The following TTN variants were observed in gnomAD, a reference collection of about 807,000 sequenced individuals.
The protein encoded by TTN is titin.
Under a neutral mutation model 3,223.0 loss-of-function variants are expected in TTN, and 1,525 were observed. The observed-to-expected ratio is 0.47, with a 90% CI of 0.45 to 0.49. The LOEUF (loss-of-function observed/expected upper bound fraction) is 0.49, where lower values mean the gene tolerates loss of function less well. Ranked by LOEUF, TTN falls within the 20% of genes least tolerant of loss-of-function variation. The pLI, the probability that TTN is intolerant of heterozygous loss-of-function variation, is 0.00. For synonymous variants in TTN, 14,094 were observed against 15,161.0 expected (o/e 0.93, Z 5.17); for missense variants, 40,786 against 43,424.0 (o/e 0.94, Z 5.40).
chr2:178,674,218 A>G (rs1307216697), intron 151 of TTN, 96 bp downstream of exon 151: 10 of 744,964 alleles, frequency 1.3e-5, no homozygotes, highest in African/African-American at 3.6e-5. Flanking sequence ...TGGATACGAT[A>G]TAAGAAAAGC....
intron 134 of TTN, 150 bp downstream of exon 134, chr2:178,683,061 G>T: frequency 1.1e-6 from 1 of 922,806 alleles, no homozygotes. Flanking sequence ...AGGTATCATA[G>T]AGTATATTTA....
rs377585081 is a variant in TTN, at chr2:178,782,166, G to C, written c.3380+46C>G. On this transcript the variant is annotated intron_variant, in intron 20 of 362. Transcript: ENST00000589042. ...AAATTCTACTCTAGGCTTCATGCAC[G>C]TATTATACAAGTCACAGAGAACTCT... 8.1e-6 allele frequency: 13 copies of C among 1,605,278 alleles called. No homozygotes were observed. In the African/African-American group the frequency reaches 1.7e-4, roughly 21 times the overall value.
intron 47 of TTN, chr2:178,748,802 T>C: frequency 1.2e-6 from 2 of 1,611,910 alleles, no homozygotes; most frequent in Non-Finnish European, 1.7e-6. Flanking sequence ...GGAAAGCAGC[T>C]TTAAATTTAT....
chr2:178,561,328 T>C lies in TTN; in HGVS notation c.84804A>G (p.Ser28268=). Residue 28268 remains serine, a synonymous_variant, in exon 326 of 363, where the codon TCA becomes TCG. Coordinates refer to ENST00000589042, the MANE Select transcript of TTN (RefSeq NM_001267550.2). The part of the protein sequence containing the change: ...QPEVTNITRK[S]VSLKWSKPHY... ...GTGGTTTAGACCATTTAAGTGACAC[T>C]GATTTTCTTGTGATATTTGTGACTT... is the stretch of plus-strand genomic sequence containing the variant. 1 of 1,613,858 alleles carries C rather than the reference T, an allele frequency of 6.2e-7. No homozygotes were observed. The highest frequency in any genetic ancestry group is 8.5e-7 in the Non-Finnish European group (1 of 1,179,810).
intron 30 of TTN, 37 bp downstream of exon 30, chr2:178,774,170 A>T (rs1477720000): frequency 1.2e-6 from 2 of 1,614,152 alleles, no homozygotes; most frequent in African/African-American, 2.7e-5. Context: ...AACCATAATG[A>T]TGCTCACTGC....
rs1279428764 is a variant in TTN at position 178,607,666 on chromosome 2, C to T, written c.53022G>A (p.Leu17674=). Reference sequence around the variant, plus strand: ...GTATTCCACCCTTGACAGAAACATCCAGTTCCACAGCTGGAGGCTCTGTTG... The same window carrying T: ...GTATTCCACCCTTGACAGAAACATCTAGTTCCACAGCTGGAGGCTCTGTTG... ...AEPQEPPAVE[L]DVSVKGGIQI... The change falls in exon 277 of 363, where the codon CTG becomes CTA. Residue 17674 remains leucine (L), a synonymous_variant. Coordinates refer to ENST00000589042, the MANE Select transcript of TTN (RefSeq NM_001267550.2). 6.2e-7 allele frequency: 1 copy of T among 1,612,940 alleles called. No individual in the cohort carries two copies. The highest frequency in any genetic ancestry group is 1.7e-5 in the Admixed American group (1 of 59,974).
intron 218 of TTN, 148 bp from the exon 219 acceptor site, chr2:178,642,465 A>G (rs1211421012): frequency 6.0e-6 from 4 of 668,638 alleles, no homozygotes; most frequent in African/African-American, 3.7e-5. Context: ...TTAAGTTTAA[A>G]TGATACATTT....
chr2:178,679,549 T>G (rs778998466), intron 141 of TTN, 50 bp downstream of exon 141: 1 of 1,591,914 alleles, frequency 6.3e-7, no homozygotes, highest in South Asian at 1.2e-5. Flanking sequence ...AGTTAACTAT[T>G]TCTAGGCAGA....
chr2:178,637,251 A>C, intron 224 of TTN, 118 bp downstream of exon 224: 1 of 478,658 alleles, frequency 2.1e-6, no homozygotes, highest in South Asian at 3.4e-5. Context: ...GTTTTAGTAG[A>C]ATCAATTAGA....
At chr2:178,726,319 C>A in intron 69 of TTN, 1 of 291,580 alleles carries the variant, frequency 3.4e-6, no homozygotes, top group Non-Finnish European at 6.3e-6. Flanking sequence ...TCTTAGGCTA[C>A]AAAGATTGAT....
rs1365402838 is a variant in TTN, at chr2:178,536,108, C to T, written c.100639G>A (p.Glu33547Lys). 8 of 1,613,006 alleles carry T rather than the reference C, an allele frequency of 5.0e-6. No homozygotes were observed. The highest frequency in any genetic ancestry group is 6.8e-6 in the Non-Finnish European group (8 of 1,179,212). ...IADGLKYRIQEFKGGYHQLII... is the reference protein window; with the variant it reads ...IADGLKYRIQKFKGGYHQLII... ...AGCTGGTGGTAGCCACCCTTAAATT[C>T]TTGAATCCTATATTTTAATCCATCT... The change falls in exon 357 of 363, where the codon GAA (glutamate) becomes AAA (lysine). Residue 33547 changes from glutamate (E) to lysine (K), a missense_variant. Transcript: ENST00000589042.
chr2:178,727,180 T>G lies in TTN; in HGVS notation c.20185A>C (p.Asn6729His), dbSNP rs794729619. The change falls in exon 69 of 363, where the codon AAT (asparagine) becomes CAT (histidine). Residue 6729 changes from asparagine to histidine, a missense_variant. Asn to His is a moderately conservative substitution (Grantham distance 68, BLOSUM62 1). Coordinates refer to ENST00000589042, the MANE Select transcript of TTN (RefSeq NM_001267550.2). ...IDSVAVIQMN[N>H]LSTEDSGDFI... is the part of the protein sequence containing the mutation. ...TCTCCACTGTCCTCAGTACTGAGAT[T>G]GTTCATCTGTATGACGGCCACTGAG... The G allele has an allele frequency of 1.2e-6, 2 of 1,613,154 alleles. No homozygotes were observed. The highest frequency in any genetic ancestry group is 1.7e-6 in the Non-Finnish European group (2 of 1,179,438).
chr2:178,781,801 T>C (rs1424027299), intron 20 of TTN, among the ~76,000 whole-genome samples: 1 of 152,166 alleles, frequency 6.6e-6, no homozygotes, highest in Non-Finnish European at 1.5e-5. Context: ...CATAGATTTT[T>C]GTGCATAACT....
chr2:178,632,811 G>A lies in TTN; in HGVS notation c.43214-19C>T, dbSNP rs888686166. 6.2e-7 allele frequency: 1 copy of A among 1,612,774 alleles called. No individual in the cohort carries two copies. Among genetic ancestry groups the A allele is most frequent in the Non-Finnish European group, 8.5e-7 (1 of 1,179,402 alleles). On this transcript the variant is annotated intron_variant, in intron 234 of 362. Coordinates refer to ENST00000589042, the MANE Select transcript of TTN (RefSeq NM_001267550.2). ...GGCAATTCTGAAAGAAGTGGACAGTGGATGAAGTCAGAATACGTTTCCATT... is the reference window on the plus strand; with the variant it reads ...GGCAATTCTGAAAGAAGTGGACAGTAGATGAAGTCAGAATACGTTTCCATT...
In TTN at chr2:178,636,669, C is replaced by T. The variant is rs759166253; in HGVS notation, c.41058G>A (p.Val13686=). The T allele has an allele frequency of 6.2e-7, 1 of 1,613,344 alleles. No individual in the cohort carries two copies. Among genetic ancestry groups the T allele is most frequent in the Admixed American group, 1.7e-5 (1 of 59,980 alleles). ...YQLKAVPLKF[V]KEIKDIILTE... ...TCAAGATGATGTCTTTGATTTCTTT[C>T]ACAAACTTCAGTGGCACAGCCTTTA... is the stretch of plus-strand genomic sequence containing the variant. Residue 13686 remains valine, a synonymous_variant, in exon 225 of 363, where the codon GTG becomes GTA. Transcript: ENST00000589042. This position sits in a 1 kb window ranked among gnomAD's most constrained non-coding sequence, Gnocchi z 4.3.
At position 178,579,026 on chromosome 2, in the gene TTN, T is replaced by C. The variant is rs1355682942; in HGVS notation, c.68004A>G (p.Pro22668=). 2 of 1,613,280 alleles carry C rather than the reference T, an allele frequency of 1.2e-6. No individual in the cohort carries two copies. Among genetic ancestry groups the C allele is most frequent in the South Asian group, 1.1e-5 (1 of 91,066 alleles). Residue 22668 remains proline (P), a synonymous_variant, in exon 320 of 363, where the codon CCA becomes CCG. Transcript: ENST00000589042. ...TGATTTCAGAACCTCCATCATCCTTTGGAGGAGCCCACTTTAAGGTCATGG... is the reference window on the plus strand; with the variant it reads ...TGATTTCAGAACCTCCATCATCCTTCGGAGGAGCCCACTTTAAGGTCATGG... ...AEAMTLKWAP[P]KDDGGSEITN...
rs1462410139 is a variant in TTN at position 178,568,455 on chromosome 2, G to A, written c.77677C>T (p.Pro25893Ser). The A allele has an allele frequency of 1.2e-5, 19 of 1,613,162 alleles. No homozygotes were observed. The Admixed American group carries it at 3.2e-4, about 27-fold the overall frequency. ...TCAAATTTAACAGGTCCTTTTGGAGGATCAGGTTTATCTAGAGTTACAATT... is the reference window on the plus strand; with the variant it reads ...TCAAATTTAACAGGTCCTTTTGGAGAATCAGGTTTATCTAGAGTTACAATT... ...IEIVTLDKPD[P>S]PKGPVKFDDV... The change falls in exon 326 of 363, where the codon CCT (proline) becomes TCT (serine). Residue 25893 changes from proline (P) to serine (S), a missense_variant. Pro to Ser is a moderately conservative substitution (Grantham distance 74). Transcript: ENST00000589042.
chr2:178,616,355 G>A, intron 257 of TTN, 124 bp downstream of exon 257: 1 of 1,337,844 alleles, frequency 7.5e-7, no homozygotes, highest in Non-Finnish European at 1.0e-6. Flanking sequence ...AAAAGTTTTT[G>A]TACATTTTCA....
Position 178,574,257 on chromosome 2 carries a change from A to G in TTN, c.71875T>C (p.Tyr23959His). 3 of 1,612,900 alleles carry G rather than the reference A, an allele frequency of 1.9e-6. No homozygotes were observed. The highest frequency in any genetic ancestry group is 2.5e-6 in the Non-Finnish European group (3 of 1,179,176). Residue 23959 changes from tyrosine (Y) to histidine (H), a missense_variant, in exon 326 of 363, where the codon TAT (tyrosine) becomes CAT (histidine). Tyr to His is a moderately conservative substitution (Grantham distance 83). Coordinates refer to ENST00000589042, the MANE Select transcript of TTN (RefSeq NM_001267550.2). ...GGAAGGTCTCTCTTTTCAACGATATAACTGGTAATTTTAAAGCCCCCAGTA... is the reference window on the plus strand; with the variant it reads ...GGAAGGTCTCTCTTTTCAACGATATGACTGGTAATTTTAAAGCCCCCAGTA... ...EYTGGFKITS[Y>H]IVEKRDLPNG...
Sources: allele counts gnomAD v4.1 joint callset (sites outside exome capture counted in the v4.1 genomes callset), GRCh38; gene constraint gnomAD v4.1.1; non-coding constraint Gnocchi (gnomAD v3.1); transcripts MANE v1.5; gene names NCBI Gene and HGNC (gene_info 2026-07-23, HGNC 2026-07-21).